RARB: variants seen among roughly 807,000 people sequenced by gnomAD.
RARB encodes retinoic acid receptor beta.
A neutral mutation model predicts 51.9 loss-of-function variants in RARB; 17 were observed. That is an observed-to-expected ratio of 0.33 (90% CI 0.22 to 0.49). The LOEUF (loss-of-function observed/expected upper bound fraction) is 0.49, where lower values mean the gene tolerates loss of function less well. RARB is among the 20% of genes least tolerant of loss of function. The pLI is 0.99. For missense variants in RARB, 369 were observed against 550.8 expected (o/e 0.67, Z 3.30); for synonymous variants, 215 against 195.4 (o/e 1.10, Z -0.84).
chr3:25,522,334 C>T (rs188022029), intron 3 of RARB, among the ~76,000 whole-genome samples: 97 of 152,236 alleles, frequency 6.4e-4, no homozygotes, highest in Non-Finnish European at 2.5e-4. Context: ...ATGGTCTAAA[C>T]AACCTTTCGG....
intron 2 of RARB, among the ~76,000 whole-genome samples, chr3:24,862,889 A>G (rs1702780624): frequency 6.6e-6 from 1 of 152,200 alleles, no homozygotes; most frequent in South Asian, 2.1e-4. Flanking sequence ...CAGGTCATTC[A>G]GTTACATAGA....
At chr3:25,221,286 A>T (rs1005029435) in intron 5 of RARB, among the ~76,000 whole-genome samples, 1 of 152,196 alleles carries the variant, frequency 6.6e-6, no homozygotes, top group Non-Finnish European at 1.5e-5. Context: ...TCCCCGTCTA[A>T]TTGAGACAAC....
intron 5 of RARB, among the ~76,000 whole-genome samples, chr3:25,215,640 A>C (rs993286169): frequency 3.9e-5 from 6 of 152,102 alleles, no homozygotes; most frequent in Non-Finnish European, 5.9e-5. Flanking sequence ...GGAGGGTATT[A>C]AGGGGATCCT....
At chr3:25,260,905 TGAGACAGCAAA>T (rs1477993564) in intron 5 of RARB, among the ~76,000 whole-genome samples, 1 of 152,176 alleles carries the variant, frequency 6.6e-6, no homozygotes, top group East Asian at 1.9e-4. Context: ...AAATAGGACA[TGAGACAGCAAA>T]GCTTAGTAGT....
intron 3 of RARB, among the ~76,000 whole-genome samples, chr3:25,565,915 G>T (rs1304314982): frequency 6.6e-6 from 1 of 152,156 alleles, no homozygotes; most frequent in African/African-American, 2.4e-5. Flanking sequence ...TTGACCCCAG[G>T]TGGTAAGTGG....
chr3:25,170,756 C>T (rs1049905794), intron 4 of RARB, among the ~76,000 whole-genome samples: 1 of 151,630 alleles, frequency 6.6e-6, no homozygotes, highest in Non-Finnish European at 1.5e-5. Flanking sequence ...TTGATTTCCA[C>T]AATTATATAC....
intron 2 of RARB, among the ~76,000 whole-genome samples, chr3:25,027,821 A>G (rs1697781829): frequency 6.6e-6 from 1 of 152,118 alleles, no homozygotes; most frequent in Non-Finnish European, 1.5e-5. Flanking sequence ...CTTTCACTTC[A>G]GTAGTAAGGC....
chr3:25,307,636 C>T (rs1446079556), intron 5 of RARB, among the ~76,000 whole-genome samples: 1 of 152,132 alleles, frequency 6.6e-6, no homozygotes, highest in Admixed American at 6.5e-5. Context: ...CTTTCTGCAC[C>T]CCCTGCTAAG....
chr3:25,338,869 T>C (rs982515754), intron 5 of RARB, among the ~76,000 whole-genome samples: 1 of 152,058 alleles, frequency 6.6e-6, no homozygotes, highest in Non-Finnish European at 1.5e-5. Context: ...CACCAGACCT[T>C]CCCAAAATCA....
At chr3:25,464,690 A>T (rs536255419) in intron 2 of RARB, among the ~76,000 whole-genome samples, 26 of 152,252 alleles carry the variant, frequency 1.7e-4, no homozygotes, top group South Asian at 6.2e-4. Flanking sequence ...ATTGTCATTT[A>T]AAAAAATTAT....
At chr3:24,843,900 T>TACACACACACACAAAC (rs1391801771) in intron 1 of RARB, among the ~76,000 whole-genome samples, 1 of 145,144 alleles carries the variant, frequency 6.9e-6, no homozygotes, top group Non-Finnish European at 1.5e-5. Context: ...GATTTGAGGG[T>TACACACACACACAAAC]ACACACACAC....
At chr3:25,339,150 A>AT in intron 5 of RARB, among the ~76,000 whole-genome samples, 1 of 152,352 alleles carries the variant, frequency 6.6e-6, no homozygotes, top group Non-Finnish European at 1.5e-5. Context: ...TTAAAGGAGA[A>AT]GTCTCCCAGG....
intron 5 of RARB, among the ~76,000 whole-genome samples, chr3:25,406,209 T>C (rs1707403971): frequency 6.6e-6 from 1 of 152,168 alleles, no homozygotes; most frequent in Non-Finnish European, 1.5e-5. Flanking sequence ...TTGGATATGC[T>C]CCAAACTTTA....
chr3:24,991,868 A>G lies in RARB; in HGVS notation c.-379-68257A>G, dbSNP rs557670177. On this transcript the variant is annotated intron_variant, in intron 2 of 11. Transcript: ENST00000383772. ...CTGGCTTCAGCTGACACTTGGTACC[A>G]GTCTGTTCCCTATCTCCCCCTGCCC... Among the ~76,000 whole-genome samples the G allele has an allele frequency of 4.6e-5, 7 of 151,644 alleles. No homozygotes were observed. In the South Asian group the frequency reaches 1.5e-3, roughly 32 times the overall value.
chr3:25,254,986 C>T (rs897358449), intron 5 of RARB, among the ~76,000 whole-genome samples: 8 of 152,244 alleles, frequency 5.3e-5, no homozygotes, highest in African/African-American at 1.7e-4. Context: ...CTGACACCTA[C>T]GACATTCTCA....
chr3:25,470,968 T>C (rs1695657588), intron 2 of RARB, among the ~76,000 whole-genome samples: 1 of 152,220 alleles, frequency 6.6e-6, no homozygotes, highest in Non-Finnish European at 1.5e-5. Context: ...GTATATATGC[T>C]TTTATCATAA....
At chr3:25,361,580 T>G (rs1016569898) in intron 5 of RARB, among the ~76,000 whole-genome samples, 2 of 152,250 alleles carry the variant, frequency 1.3e-5, no homozygotes, top group African/African-American at 4.8e-5. Flanking sequence ...TCTGAAATCT[T>G]CAGCCTTTTT....
intron 3 of RARB, among the ~76,000 whole-genome samples, chr3:25,502,307 A>C (rs569053971): frequency 1.3e-5 from 2 of 152,320 alleles, no homozygotes; most frequent in African/African-American, 4.8e-5. Context: ...TTATGAATCA[A>C]GGGCTCTTAG....
chr3:24,984,308 G>C (rs1696740220), intron 2 of RARB, among the ~76,000 whole-genome samples: 1 of 152,144 alleles, frequency 6.6e-6, no homozygotes, highest in African/African-American at 2.4e-5. Flanking sequence ...TACTAAAGTA[G>C]GTTTGTGACT....
Sources: gnomAD v4.1 joint callset for allele counts (sites outside exome capture counted in the v4.1 genomes callset) on GRCh38, gnomAD v4.1.1 for gene constraint, MANE v1.5 for transcripts, NCBI Gene and HGNC (gene_info 2026-07-23, HGNC 2026-07-21) for gene names.